CHRM3: variants seen among roughly 807,000 people sequenced by gnomAD.
CHRM3 encodes the protein cholinergic receptor muscarinic 3.
In CHRM3, 11 loss-of-function variants were observed where a neutral mutation model predicts 41.8. The ratio of observed to expected loss-of-function variants is 0.26; its 90% CI spans 0.17 to 0.44. CHRM3 has a LOEUF of 0.44. Among genes scored for constraint, CHRM3 ranks in the 20% least tolerant of loss-of-function variants. The pLI, the probability that CHRM3 is intolerant of heterozygous loss-of-function variation, is 1.00. For missense variants in CHRM3, 571 were observed against 745.4 expected, an observed-to-expected ratio of 0.77 and a Z score of 2.72; for synonymous variants, 297 against 301.4, an observed-to-expected ratio of 0.99 and a Z score of 0.15.
At chr1:239,515,451 G>C (rs1284271871) in intron 2 of CHRM3, among the ~76,000 whole-genome samples, 1 of 150,052 alleles carries the variant, frequency 6.7e-6, no homozygotes, top group African/African-American at 2.4e-5. Flanking sequence ...GACACTGTTA[G>C]GGGAATATAT....
At chr1:239,608,125 TA>T (rs917137606) in intron 3 of CHRM3, among the ~76,000 whole-genome samples, 2 of 152,222 alleles carry the variant, frequency 1.3e-5, no homozygotes, top group Non-Finnish European at 2.9e-5. Flanking sequence ...ATAATAAATG[TA>T]AAAAATTGCA....
intron 3 of CHRM3, among the ~76,000 whole-genome samples, chr1:239,615,662 C>G (rs570900700): frequency 1.3e-5 from 2 of 152,254 alleles, no homozygotes; most frequent in East Asian, 3.9e-4. Context: ...CATCAATAAT[C>G]CAGTGATCTC....
At chr1:239,766,858 C>A (rs929719375) in intron 5 of CHRM3, among the ~76,000 whole-genome samples, 5 of 152,040 alleles carry the variant, frequency 3.3e-5, no homozygotes, top group Admixed American at 2.6e-4. Context: ...AATACAGGCA[C>A]ACGCCACCAT....
intron 6 of CHRM3, among the ~76,000 whole-genome samples, chr1:239,843,593 G>A (rs1161918506): frequency 6.6e-6 from 1 of 151,328 alleles, no homozygotes; most frequent in Admixed American, 6.6e-5. Context: ...AACAACAAAA[G>A]AGAAAGTGTG....
intron 3 of CHRM3, among the ~76,000 whole-genome samples, chr1:239,550,085 TG>T (rs1659673207): frequency 6.6e-6 from 1 of 151,978 alleles, no homozygotes; most frequent in South Asian, 2.1e-4. Flanking sequence ...TCTCACATGT[TG>T]GCTGCCAATC....
intron 5 of CHRM3, among the ~76,000 whole-genome samples, chr1:239,793,483 G>T (rs1173995480): frequency 6.6e-6 from 1 of 152,118 alleles, no homozygotes; most frequent in African/African-American, 2.4e-5. Flanking sequence ...AAAAACTGAT[G>T]ATAAACAATA....
intron 1 of CHRM3, among the ~76,000 whole-genome samples, chr1:239,466,026 C>T (rs1315312633): frequency 1.3e-5 from 2 of 152,160 alleles, no homozygotes; most frequent in African/African-American, 4.8e-5. Context: ...CAGAGTCTCT[C>T]TTTGTCACCC....
Position 239,821,593 on chromosome 1 carries a change from A to T in CHRM3, c.-146-5659A>T, listed in dbSNP as rs7551684. 8.5e-3 allele frequency among the ~76,000 whole-genome samples: 1,288 copies of T among 152,326 alleles called. 20 individuals are homozygous for T. The highest frequency in any genetic ancestry group is 0.026 in the African/African-American group (1,065 of 41,584). The stretch of plus-strand genomic sequence containing the variant: ...CCAGTCTCCCAGCCACTAGGATGAG[A>T]AATGAACCCTCACCATGCACGTCAA... On this transcript the variant is annotated intron_variant, in intron 5 of 6. Transcript: ENST00000676153.
At chr1:239,549,185 C>T (rs1659571208) in intron 3 of CHRM3, among the ~76,000 whole-genome samples, 1 of 152,096 alleles carries the variant, frequency 6.6e-6, no homozygotes, top group Non-Finnish European at 1.5e-5. Context: ...CCACCAGGTC[C>T]CTCCCACAAC....
chr1:239,685,295 C>T (rs890410647), intron 5 of CHRM3, among the ~76,000 whole-genome samples: 3 of 152,080 alleles, frequency 2.0e-5, no homozygotes, highest in Admixed American at 6.6e-5. Flanking sequence ...ATATTCTTCC[C>T]GGGAGTTTTG....
intron 6 of CHRM3, among the ~76,000 whole-genome samples, chr1:239,847,699 T>C (rs896572732): frequency 4.0e-5 from 6 of 151,888 alleles, no homozygotes; most frequent in African/African-American, 1.5e-4. Flanking sequence ...ACCTCATCTC[T>C]ACACACACAC....
chr1:239,663,304 C>T (rs969474630), intron 4 of CHRM3, among the ~76,000 whole-genome samples: 1 of 152,102 alleles, frequency 6.6e-6, no homozygotes, highest in Non-Finnish European at 1.5e-5. Flanking sequence ...TCAGGTAACT[C>T]AAAAGAGTTT....
At chr1:239,601,690 T>A (rs1665554825) in intron 3 of CHRM3, among the ~76,000 whole-genome samples, 1 of 152,266 alleles carries the variant, frequency 6.6e-6, no homozygotes, top group Non-Finnish European at 1.5e-5. Flanking sequence ...ATAAATAAAA[T>A]ATCCAATATA....
chr1:239,640,964 T>G (rs1671069945), intron 4 of CHRM3, among the ~76,000 whole-genome samples: 1 of 151,306 alleles, frequency 6.6e-6, no homozygotes, highest in South Asian at 2.1e-4. Context: ...TGGTATGTTG[T>G]GTCTTTGTTC....
chr1:239,663,970 A>C (rs1336458375), intron 4 of CHRM3, among the ~76,000 whole-genome samples: 1 of 152,002 alleles, frequency 6.6e-6, no homozygotes, highest in Non-Finnish European at 1.5e-5. Context: ...TATGTGTAAC[A>C]CTTAAAGAAA....
At chr1:239,801,752 C>G (rs902302304) in intron 5 of CHRM3, among the ~76,000 whole-genome samples, 5 of 152,076 alleles carry the variant, frequency 3.3e-5, no homozygotes, top group African/African-American at 1.2e-4. Context: ...AGGATAGCAT[C>G]AGGAGAGTTA....
chr1:239,848,271 A>G (rs1252032460), intron 6 of CHRM3, among the ~76,000 whole-genome samples: 1 of 152,162 alleles, frequency 6.6e-6, no homozygotes, highest in Admixed American at 6.5e-5. Context: ...GAAAATTTTT[A>G]TGCCATTCAA....
At chr1:239,644,443 C>T (rs886178822) in intron 4 of CHRM3, among the ~76,000 whole-genome samples, 3 of 152,106 alleles carry the variant, frequency 2.0e-5, no homozygotes, top group Non-Finnish European at 4.4e-5. Flanking sequence ...CTTCTCCCCA[C>T]GTCGTCATGC....
At chr1:239,553,371 C>T (rs774110175) in intron 3 of CHRM3, among the ~76,000 whole-genome samples, 38 of 151,916 alleles carry the variant, frequency 2.5e-4, no homozygotes, top group Non-Finnish European at 3.7e-4. Context: ...ACTATGCTTC[C>T]GTGGGAACCA....
Sources: gnomAD v4.1 joint callset for allele counts (sites outside exome capture counted in the v4.1 genomes callset) on GRCh38, gnomAD v4.1.1 for gene constraint, MANE v1.5 for transcripts, NCBI Gene and HGNC (gene_info 2026-07-23, HGNC 2026-07-21) for gene names.